TEX14: variants seen among roughly 807,000 people sequenced by gnomAD.
The protein encoded by TEX14 is inactive serine/threonine-protein kinase TEX14.
A neutral mutation model predicts 178.6 loss-of-function variants in TEX14; 168 were observed. The ratio of observed to expected loss-of-function variants is 0.94; its 90% CI spans 0.83 to 1.07. The LOEUF is 1.07. TEX14 is among the 50% of genes least tolerant of loss of function. TEX14 has a pLI of 0.00. For missense variants in TEX14, 1,730 were observed against 1,753.6 expected (o/e 0.99, Z 0.24); for synonymous variants, 626 against 634.1 (o/e 0.99, Z 0.19).
At chr17:58,589,347 G>T (rs1039445360) in intron 15 of TEX14, among the ~76,000 whole-genome samples, 1 of 150,790 alleles carries the variant, frequency 6.6e-6, no homozygotes, top group Non-Finnish European at 1.5e-5. Flanking sequence ...TGAATCATGA[G>T]GTCAGGAGTT....
intron 28 of TEX14, among the ~76,000 whole-genome samples, chr17:58,563,658 T>TATATATAG (rs1351647352): frequency 1.1e-3 from 19 of 17,464 alleles, no homozygotes; most frequent in Non-Finnish European, 1.4e-3. Flanking sequence ...TATATATATA[T>TATATATAG]AGAGAGAGAG....
intron 1 of TEX14, chr17:58,659,313 TTAA>T: frequency 1.0e-6 from 1 of 978,308 alleles, no homozygotes; most frequent in Non-Finnish European, 1.2e-6. Context: ...CATTATTTAC[TTAA>T]TATTGCTAAT....
At chr17:58,659,423 C>T in intron 1 of TEX14, 1 of 595,100 alleles carries the variant, frequency 1.7e-6, no homozygotes, top group Non-Finnish European at 2.1e-6. Context: ...CTTCGTATGA[C>T]ACATCTCAGA....
At chr17:58,658,197 T>A (rs544438208) in intron 1 of TEX14, among the ~76,000 whole-genome samples, 2 of 152,130 alleles carry the variant, frequency 1.3e-5, no homozygotes, top group South Asian at 2.1e-4. Context: ...TCCGGTCTCC[T>A]GCACAGCTGG....
At chr17:58,639,058 G>C (rs911504322) in intron 2 of TEX14, among the ~76,000 whole-genome samples, 1 of 150,868 alleles carries the variant, frequency 6.6e-6, no homozygotes, top group Non-Finnish European at 1.5e-5. Context: ...GTAGAGACGG[G>C]GTTTCACCGT....
intron 2 of TEX14, among the ~76,000 whole-genome samples, chr17:58,640,558 A>C (rs1030640916): frequency 1.3e-5 from 2 of 151,902 alleles, no homozygotes; most frequent in African/African-American, 4.8e-5. Flanking sequence ...TTGGGCATAT[A>C]GCAACAGAAT....
intron 1 of TEX14, among the ~76,000 whole-genome samples, chr17:58,682,398 C>T (rs1036767397): frequency 6.6e-6 from 1 of 152,024 alleles, no homozygotes; most frequent in Non-Finnish European, 1.5e-5. Context: ...GCTGGAATTA[C>T]AAGCACATGC....
At position 58,615,283 on chromosome 17, in the gene TEX14, C is replaced by T; in HGVS notation, c.830G>A (p.Cys277Tyr). The part of the protein sequence containing the change: ...KELNLPTHPH[C>Y]SRLRLADLLI... ...CAAGTCGGCCAGCCGCAGCCTGCTGCAGTGTGGGTGGGTGGGGAGATTCAG... is the reference window on the plus strand; with the variant it reads ...CAAGTCGGCCAGCCGCAGCCTGCTGTAGTGTGGGTGGGTGGGGAGATTCAG... Residue 277 changes from cysteine to tyrosine, a missense_variant, in exon 8 of 32, where the codon TGC becomes TAC. Physicochemically the swap from Cys to Tyr is radical, Grantham distance 194. This residue lies in a region of TEX14 where 789 missense variants were observed against 681.2 expected (regional missense o/e 1.16). Transcript: ENST00000349033. 1 of 1,613,908 alleles carries T rather than the reference C, an allele frequency of 6.2e-7. No homozygotes were observed. The highest frequency in any genetic ancestry group is 1.6e-4 in the Middle Eastern group (1 of 6,062).
intron 1 of TEX14, among the ~76,000 whole-genome samples, chr17:58,675,848 C>G (rs1232737700): frequency 6.6e-6 from 1 of 152,182 alleles, no homozygotes; most frequent in African/African-American, 2.4e-5. Flanking sequence ...GCCTGGGCCT[C>G]CAAAGGTACG....
intron 3 of TEX14, among the ~76,000 whole-genome samples, chr17:58,627,988 C>T (rs1049651957): frequency 6.4e-5 from 9 of 140,128 alleles, no homozygotes; most frequent in Non-Finnish European, 1.4e-4. Flanking sequence ...CTCCTGGGCT[C>T]GAGCAATCCT....
At chr17:58,648,786 CTTTTTTTTTT>C (rs34918333) in intron 2 of TEX14, among the ~76,000 whole-genome samples, 57 of 89,710 alleles carry the variant, frequency 6.4e-4, no homozygotes, top group Admixed American at 8.9e-4. Flanking sequence ...CTTTTTTTTT[CTTTTTTTTTT>C]TTTTTTTTTT....
intron 2 of TEX14, among the ~76,000 whole-genome samples, chr17:58,644,464 C>A (rs2046648270): frequency 6.6e-6 from 1 of 151,806 alleles, no homozygotes. Flanking sequence ...TCCCAAGTAG[C>A]TGGGATTACA....
At chr17:58,646,330 C>T (rs999896562) in intron 2 of TEX14, among the ~76,000 whole-genome samples, 3 of 152,074 alleles carry the variant, frequency 2.0e-5, no homozygotes, top group Non-Finnish European at 2.9e-5. Context: ...AAAATCCTTC[C>T]AATAGCCCAC....
At chr17:58,592,885 T>C (rs2045190169) in intron 15 of TEX14, among the ~76,000 whole-genome samples, 1 of 152,162 alleles carries the variant, frequency 6.6e-6, no homozygotes, top group Non-Finnish European at 1.5e-5. Context: ...TGTGTATGTA[T>C]GAATATATGT....
At chr17:58,587,495 A>G in intron 17 of TEX14, 86 bp downstream of exon 17, 1 of 817,594 alleles carries the variant, frequency 1.2e-6, no homozygotes, top group Non-Finnish European at 2.0e-6. Flanking sequence ...TGTGCAACAC[A>G]GGTTGTGTAC....
At chr17:58,630,622 T>C in intron 2 of TEX14, 68 bp from the exon 3 acceptor site, 3 of 1,058,778 alleles carry the variant, frequency 2.8e-6, no homozygotes, top group Non-Finnish European at 4.3e-6. Flanking sequence ...GGGTAGGGGG[T>C]GGGGGAATTA....
At position 58,587,838 on chromosome 17, in the gene TEX14, C is replaced by G; in HGVS notation, c.2702+58G>C. 2.9e-6 allele frequency: 4 copies of G among 1,374,890 alleles called. No individual in the cohort carries two copies. The South Asian group carries it at 3.5e-5, about 12-fold the overall frequency. 85.2% of individuals were successfully genotyped at this position (1,374,890 alleles called of 1,614,324 possible). On this transcript the variant is annotated intron_variant, in intron 16 of 31. Coordinates refer to ENST00000349033, the MANE Select transcript of TEX14 (RefSeq NM_031272.5). ...GACCCCTTTGCACCAGCAGAGGGTG[C>G]CAGAACCCACCCCCACCCCCGCTCC...
chr17:58,616,967 AG>A (rs2045886662), intron 6 of TEX14, among the ~76,000 whole-genome samples: 4 of 152,260 alleles, frequency 2.6e-5, no homozygotes, highest in African/African-American at 9.6e-5. Flanking sequence ...AACGGGGAGT[AG>A]GGCTGGGCGA....
intron 1 of TEX14, among the ~76,000 whole-genome samples, chr17:58,658,347 C>T (rs2047012429): frequency 6.6e-6 from 1 of 150,432 alleles, no homozygotes; most frequent in South Asian, 2.1e-4. Flanking sequence ...GGATTACAGG[C>T]ATGCACCACC....
Sources: allele counts gnomAD v4.1 joint callset (sites outside exome capture counted in the v4.1 genomes callset), GRCh38; gene constraint gnomAD v4.1.1; regional missense constraint gnomAD v4.1.1; transcripts MANE v1.5; gene names NCBI Gene and HGNC (gene_info 2026-07-23, HGNC 2026-07-21).